The following ACSL1 variants were observed in gnomAD, a reference collection of about 807,000 sequenced individuals.
ACSL1 encodes long-chain-fatty-acid--CoA ligase 1.
Under a neutral mutation model 98.4 loss-of-function variants are expected in ACSL1, and 41 were observed. The ratio of observed to expected loss-of-function variants is 0.42; its 90% CI spans 0.32 to 0.54. The LOEUF (loss-of-function observed/expected upper bound fraction) is 0.54, where lower values mean the gene tolerates loss of function less well. ACSL1 is among the 20% of genes least tolerant of loss of function. ACSL1 has a pLI of 0.13. For synonymous variants in ACSL1, 316 were observed against 322.7 expected (o/e 0.98, Z 0.22); for missense variants, 734 against 883.1 (o/e 0.83, Z 2.14).
At chr4:184,800,333 T>C (rs954023838) in intron 2 of ACSL1, among the ~76,000 whole-genome samples, 2 of 152,186 alleles carry the variant, frequency 1.3e-5, no homozygotes, top group Non-Finnish European at 2.9e-5. Flanking sequence ...CCTGGTCCCT[T>C]TCCGCTCCAA....
chr4:184,784,748 C>A (rs2150362464), intron 3 of ACSL1, among the ~76,000 whole-genome samples: 1 of 152,294 alleles, frequency 6.6e-6, no homozygotes, highest in East Asian at 1.9e-4. Context: ...CCCCATCACA[C>A]AGATCATGCC....
At chr4:184,765,860 G>A (rs1470450119) in intron 14 of ACSL1, 31 bp downstream of exon 14, 6 of 1,598,436 alleles carry the variant, frequency 3.8e-6, no homozygotes, top group Admixed American at 1.7e-5. Context: ...TCCTAGTGTG[G>A]GAGAATCAGG....
intron 18 of ACSL1, among the ~76,000 whole-genome samples, chr4:184,759,635 T>A (rs1240094720): frequency 6.6e-6 from 1 of 152,098 alleles, no homozygotes; most frequent in Non-Finnish European, 1.5e-5. Flanking sequence ...CACAATGAGA[T>A]ACCATCTCAC....
At chr4:184,796,906 C>T (rs982052646) in intron 2 of ACSL1, among the ~76,000 whole-genome samples, 1 of 152,208 alleles carries the variant, frequency 6.6e-6, no homozygotes, top group Non-Finnish European at 1.5e-5. Context: ...TGCCTCTCAG[C>T]GTTCACCTGA....
At chr4:184,800,850 C>T (rs949455319) in intron 2 of ACSL1, among the ~76,000 whole-genome samples, 1 of 152,096 alleles carries the variant, frequency 6.6e-6, no homozygotes, top group East Asian at 1.9e-4. Flanking sequence ...CTCTTTACAA[C>T]CCTGATTTTT....
intron 1 of ACSL1, chr4:184,820,968 G>GA: frequency 2.2e-6 from 1 of 454,148 alleles, no homozygotes; most frequent in African/African-American, 2.0e-5. Flanking sequence ...CACAGACCCT[G>GA]AAGCCAGACT....
At chr4:184,778,862 G>A (rs1765737466) in intron 5 of ACSL1, among the ~76,000 whole-genome samples, 1 of 151,852 alleles carries the variant, frequency 6.6e-6, no homozygotes, top group South Asian at 2.1e-4. Context: ...AATTCTACAA[G>A]CCCAGTCACA....
intron 1 of ACSL1, among the ~76,000 whole-genome samples, chr4:184,810,661 C>T (rs1349551356): frequency 6.6e-6 from 1 of 152,272 alleles, no homozygotes; most frequent in South Asian, 2.1e-4. Flanking sequence ...CTAGAAGTGC[C>T]TCCTGACCTC....
At chr4:184,762,043 C>T (rs1435767278) in intron 17 of ACSL1, among the ~76,000 whole-genome samples, 3 of 151,878 alleles carry the variant, frequency 2.0e-5, no homozygotes, top group African/African-American at 7.3e-5. Flanking sequence ...AGGAGAATCA[C>T]TTGAACCCGA....
rs1283166318 is a variant in ACSL1 at position 184,773,367 on chromosome 4, T to C, written c.842-213A>G. ...ATATGGGCACATTTTAAAGGGTATA[T>C]ACGTAGTCATAAGAGAAGAAAAACC... is the stretch of plus-strand genomic sequence containing the variant. On this transcript the variant is annotated intron_variant, in intron 9 of 20. Coordinates refer to ENST00000281455, the MANE Select transcript of ACSL1 (RefSeq NM_001995.5). This position sits in a 1 kb window ranked among gnomAD's most constrained non-coding sequence, Gnocchi z 4.3. Among the ~76,000 whole-genome samples, 2 of 152,210 alleles carry C rather than the reference T, an allele frequency of 1.3e-5. No individual in the cohort carries two copies. The highest frequency in any genetic ancestry group is 4.8e-5 in the African/African-American group (2 of 41,462).
chr4:184,780,976 C>G (rs189219413), intron 4 of ACSL1, among the ~76,000 whole-genome samples: 2 of 151,866 alleles, frequency 1.3e-5, no homozygotes, highest in East Asian at 3.9e-4. Context: ...CGGTGGTTCA[C>G]GCCTATAATC....
intron 1 of ACSL1, chr4:184,808,463 C>T (rs994658519): frequency 2.0e-6 from 2 of 985,300 alleles, no homozygotes; most frequent in African/African-American, 3.5e-5. Context: ...ACACCCTTGC[C>T]CCTGCAGTGG....
chr4:184,816,848 G>A (rs563766716), intron 1 of ACSL1, among the ~76,000 whole-genome samples: 1 of 152,244 alleles, frequency 6.6e-6, no homozygotes, highest in Non-Finnish European at 1.5e-5. Context: ...CATGTAGGCT[G>A]CATCTTGCCA....
At chr4:184,788,311 G>C in intron 3 of ACSL1, 1 of 454,770 alleles carries the variant, frequency 2.2e-6, no homozygotes, top group Non-Finnish European at 4.2e-6. Context: ...ATTGGGCCCA[G>C]TTCAACAGAC....
Position 184,770,431 on chromosome 4 carries a change from G to A in ACSL1, c.961C>T (p.Pro321Ser). The A allele has an allele frequency of 6.2e-7, 1 of 1,613,602 alleles. No individual in the cohort carries two copies. The highest frequency in any genetic ancestry group is 8.5e-7 in the Non-Finnish European group (1 of 1,179,926). Residue 321 changes from proline to serine, a missense_variant, in exon 11 of 21, where the codon CCT (proline) becomes TCT (serine). Pro to Ser is a moderately conservative substitution (Grantham distance 74, BLOSUM62 -1). Coordinates refer to ENST00000281455, the MANE Select transcript of ACSL1 (RefSeq NM_001995.5). The part of the protein sequence containing the change: ...CPDDTLISFL[P>S]LAHMFERVVE... Reference sequence around the variant, plus strand: ...ACTCTCTCAAACATATGGGCGAGAGGCAAGAAAGATATCAAAGTATCATCT... The same window carrying A: ...ACTCTCTCAAACATATGGGCGAGAGACAAGAAAGATATCAAAGTATCATCT...
At chr4:184,800,851 C>T (rs1436326750) in intron 2 of ACSL1, among the ~76,000 whole-genome samples, 5 of 152,186 alleles carry the variant, frequency 3.3e-5, no homozygotes, top group African/African-American at 1.2e-4. Flanking sequence ...TCTTTACAAC[C>T]CTGATTTTTA....
chr4:184,786,417 A>AGC (rs1554020627), intron 3 of ACSL1, among the ~76,000 whole-genome samples: 8 of 22,584 alleles, frequency 3.5e-4, no homozygotes, highest in Non-Finnish European at 6.0e-4. Flanking sequence ...GTGGTGGCAA[A>AGC]GCACACACAC....
intron 2 of ACSL1, among the ~76,000 whole-genome samples, chr4:184,790,094 C>T (rs918383033): frequency 5.9e-5 from 9 of 152,020 alleles, no homozygotes; most frequent in East Asian, 5.8e-4. Context: ...CAGAGTAGGG[C>T]GGCAGGCTGA....
chr4:184,821,475 G>A (rs1419224755), intron 1 of ACSL1, among the ~76,000 whole-genome samples: 3 of 152,166 alleles, frequency 2.0e-5, no homozygotes, highest in Non-Finnish European at 4.4e-5. Flanking sequence ...CTCCTCTGAT[G>A]CCCTAACTTC....
Sources: gnomAD v4.1 joint callset for allele counts (sites outside exome capture counted in the v4.1 genomes callset) on GRCh38, gnomAD v4.1.1 for gene constraint, Gnocchi (gnomAD v3.1) non-coding constraint, MANE v1.5 for transcripts, NCBI Gene and HGNC (gene_info 2026-07-23, HGNC 2026-07-21) for gene names.